The following OGFRL1 variants were observed in gnomAD, a reference collection of about 807,000 sequenced individuals.
The protein encoded by OGFRL1 is opioid growth factor receptor like 1, also known as opioid growth factor receptor-like protein 1.
OGFRL1 carries 26 observed loss-of-function variants against 32.4 expected under a neutral mutation model. That is an observed-to-expected ratio of 0.80 (90% confidence interval 0.59 to 1.11). The LOEUF (loss-of-function observed/expected upper bound fraction) is 1.11. Ranked by LOEUF, OGFRL1 falls within the 50% of genes most tolerant of loss-of-function variation. OGFRL1 has a pLI of 0.00. For missense variants in OGFRL1, 521 were observed against 546.4 expected, an observed-to-expected ratio of 0.95 and a Z score of 0.46; for synonymous variants, 211 against 201.2, an observed-to-expected ratio of 1.05 and a Z score of -0.41.
intron 1 of OGFRL1, among the ~76,000 whole-genome samples, 182 bp from the exon 2 acceptor site, chr6:71,293,111 A>T (rs1766097429): frequency 6.6e-6 from 1 of 152,226 alleles, no homozygotes; most frequent in Non-Finnish European, 1.5e-5. Flanking sequence ...TAAGAAAAAT[A>T]GGATGCTAAG....
chr6:71,296,259 T>C, intron 3 of OGFRL1, 58 bp from the exon 4 acceptor site: 3 of 1,177,746 alleles, frequency 2.5e-6, no homozygotes, highest in African/African-American at 3.1e-5. Context: ...ATTCGAATCT[T>C]AAAATGCCTT....
intron 6 of OGFRL1, among the ~76,000 whole-genome samples, chr6:71,297,699 G>T (rs1323365471): frequency 6.6e-6 from 1 of 151,860 alleles, no homozygotes; most frequent in Non-Finnish European, 1.5e-5. Flanking sequence ...ATTTTCCTTT[G>T]GCCACAGCAG....
chr6:71,291,752 A>T (rs1766057999), intron 1 of OGFRL1: 1 of 152,236 alleles, frequency 6.6e-6, no homozygotes, highest in African/African-American at 2.4e-5. Flanking sequence ...ATTCAGCTAA[A>T]TGATTTGCTT....
chr6:71,294,497 G>A (rs1340303829), intron 3 of OGFRL1, among the ~76,000 whole-genome samples: 1 of 152,200 alleles, frequency 6.6e-6, no homozygotes, highest in Non-Finnish European at 1.5e-5. Flanking sequence ...GCATTCTTTG[G>A]TGAACTAACT....
chr6:71,288,972 G>A lies in OGFRL1; in HGVS notation c.36G>A (p.Glu12=). The A allele has an allele frequency of 7.2e-7, 1 of 1,392,646 alleles. No homozygotes were observed. Among genetic ancestry groups the A allele is most frequent in the South Asian group, 1.3e-5 (1 of 78,640 alleles). The allele number at this position is 1,392,646 out of a possible 1,614,324, so 86.3% of individuals were successfully genotyped here. A position where few individuals can be genotyped will look rare whatever the true frequency, so the allele number is the denominator to read the frequency against. The change falls in exon 1 of 7, where the codon GAG becomes GAA. Residue 12 remains glutamate, a synonymous_variant. Transcript: ENST00000370435. ...TGCTCGGCGGGGTCAGCTTCCGCGAGCCCACCACCGTGGAGGACTGCGACT... is the reference window on the plus strand; with the variant it reads ...TGCTCGGCGGGGTCAGCTTCCGCGAACCCACCACCGTGGAGGACTGCGACT... The part of the protein sequence containing the change: ...GNLLGGVSFR[E]PTTVEDCDST...
chr6:71,293,559 T>TCAA lies in OGFRL1; in HGVS notation c.348_349insCAA (p.Asn116_Asp117insGln). The TCAA allele has an allele frequency of 1.2e-6, 2 of 1,613,186 alleles. No homozygotes were observed. Among genetic ancestry groups the TCAA allele is most frequent in the Non-Finnish European group, 1.7e-6 (2 of 1,179,408 alleles). On this transcript the variant is annotated inframe_insertion, in exon 3 of 7. Transcript: ENST00000370435. The stretch of plus-strand genomic sequence containing the variant: ...ACTTCAAAGATATCCGATATCAAAA[T>TCAA]GACTTGAGCAATCTTCGTTTTTATA...
Position 71,302,810 on chromosome 6 carries a change from A to C in OGFRL1, c.*761A>C, listed in dbSNP as rs959315985. 2 of 152,038 alleles carry C rather than the reference A, an allele frequency of 1.3e-5. No homozygotes were observed. Among genetic ancestry groups the C allele is most frequent in the African/African-American group, 4.8e-5 (2 of 41,374 alleles). The allele number at this position is 152,038 out of a possible 1,614,324, so 9.4% of individuals were successfully genotyped here. ...TAACTGTAAGAGTTTGATCTTTTCA[A>C]ATGTGTTCAGAAACTAATTTGGATT... On this transcript the variant is annotated 3_prime_UTR_variant, in exon 7 of 7. Transcript: ENST00000370435.
In OGFRL1 at chr6:71,308,944, G is replaced by GA. The variant is rs1766635658; in HGVS notation, c.*6901dup. The GA allele has an allele frequency of 6.6e-6, 1 of 151,978 alleles. No homozygotes were observed. The highest frequency in any genetic ancestry group is 2.1e-4 in the South Asian group (1 of 4,824). The allele number at this position is 151,978 out of a possible 1,614,324, so 9.4% of individuals were successfully genotyped here. Reference sequence around the variant, plus strand: ...CGATTAAAATATTTTTAAAGAACTAGAAAAAATGACTTGCTGTTTTCCTGT... The same window carrying GA: ...CGATTAAAATATTTTTAAAGAACTAGAAAAAAATGACTTGCTGTTTTCCTGT... On this transcript the variant is annotated 3_prime_UTR_variant, in exon 7 of 7. Transcript: ENST00000370435.
Position 71,306,732 on chromosome 6 carries a change from ACTGT to A in OGFRL1, c.*4688_*4691del, listed in dbSNP as rs1766562374. ...GTTTAGAGTAAGAAAGACTAACTAT[ACTGT>A]CTGTTATATTTATTTATGCTTTTTG... On this transcript the variant is annotated 3_prime_UTR_variant, in exon 7 of 7. Transcript: ENST00000370435. 1 of 152,178 alleles carries A rather than the reference ACTGT, an allele frequency of 6.6e-6. No individual in the cohort carries two copies. Among genetic ancestry groups the A allele is most frequent in the South Asian group, 2.1e-4 (1 of 4,830 alleles). 9.4% of individuals were successfully genotyped at this position (152,178 alleles called of 1,614,324 possible).
chr6:71,294,648 G>A (rs191595974), intron 3 of OGFRL1, among the ~76,000 whole-genome samples: 4 of 152,300 alleles, frequency 2.6e-5, no homozygotes, highest in Admixed American at 6.5e-5. Context: ...ACTTTCTGGT[G>A]TCCTGAAAGT....
chr6:71,292,544 A>T (rs1185555728), intron 1 of OGFRL1, among the ~76,000 whole-genome samples: 1 of 152,224 alleles, frequency 6.6e-6, no homozygotes, highest in Non-Finnish European at 1.5e-5. Flanking sequence ...CCCACATCTT[A>T]TACTTTAAAA....
chr6:71,291,851 A>T (rs1046738542), intron 1 of OGFRL1: 4 of 152,160 alleles, frequency 2.6e-5, no homozygotes, highest in Non-Finnish European at 5.9e-5. Context: ...CAAGGTTTCC[A>T]TATATCCTTC....
At chr6:71,296,252 C>T (rs1382356429) in intron 3 of OGFRL1, 65 bp from the exon 4 acceptor site, 16 of 1,094,684 alleles carry the variant, frequency 1.5e-5, no homozygotes, top group South Asian at 5.6e-5. Flanking sequence ...TCAAGTGATT[C>T]GAATCTTAAA....
rs1350537021 is a variant in OGFRL1 at position 71,305,666 on chromosome 6, C to T, written c.*3617C>T. The T allele has an allele frequency of 4.6e-5, 7 of 152,068 alleles. No individual in the cohort carries two copies. Among genetic ancestry groups the T allele is most frequent in the African/African-American group, 1.7e-4 (7 of 41,512 alleles). 9.4% of individuals were successfully genotyped at this position (152,068 alleles called of 1,614,324 possible). ...ATAATGCCTGTCATAGTCATTGTTTCATATTTTGTCATATAAAATCACCTA... is the reference window on the plus strand; with the variant it reads ...ATAATGCCTGTCATAGTCATTGTTTTATATTTTGTCATATAAAATCACCTA... On this transcript the variant is annotated 3_prime_UTR_variant, in exon 7 of 7. Coordinates refer to ENST00000370435, the MANE Select transcript of OGFRL1 (RefSeq NM_024576.5).
In OGFRL1 at chr6:71,308,491, TA is replaced by T. The variant is rs1171228558; in HGVS notation, c.*6443del. On this transcript the variant is annotated 3_prime_UTR_variant, in exon 7 of 7. Coordinates refer to ENST00000370435, the MANE Select transcript of OGFRL1 (RefSeq NM_024576.5). ...ATTTCAGGAAAATGCCTACGATTGT[TA>T]CAAAGATGTGTGTTTTACTTATAAC... The T allele has an allele frequency of 6.6e-6, 1 of 152,222 alleles. No homozygotes were observed. The allele number at this position is 152,222 out of a possible 1,614,324, so 9.4% of individuals were successfully genotyped here.
chr6:71,288,839 G>T lies in OGFRL1; in HGVS notation c.-98G>T, dbSNP rs1308675681. The T allele has an allele frequency of 2.2e-6, 2 of 912,112 alleles. No homozygotes were observed. The highest frequency in any genetic ancestry group is 3.6e-5 in the African/African-American group (2 of 55,348). The allele number at this position is 912,112 out of a possible 1,614,324, so 56.5% of individuals were successfully genotyped here. On this transcript the variant is annotated 5_prime_UTR_variant, in exon 1 of 7. Transcript: ENST00000370435. ...GCGGGGCGGGCGCGCCTAGGCTGCC[G>T]CCCAGCGCCCTCGCCGCGGCCATGC...
At chr6:71,289,490 G>A in intron 1 of OGFRL1, 1 of 982,262 alleles carries the variant, frequency 1.0e-6, no homozygotes, top group African/African-American at 1.8e-5. Flanking sequence ...AAGGTGGGGT[G>A]GGAGGAACCT....
In OGFRL1 at chr6:71,308,315, T is replaced by C. The variant is rs1339238301; in HGVS notation, c.*6266T>C. ...TTGTGAGAAACAAATGAGAGCAAAATGTTAGGTCCTTTGACAAGCATTTTC... is the reference window on the plus strand; with the variant it reads ...TTGTGAGAAACAAATGAGAGCAAAACGTTAGGTCCTTTGACAAGCATTTTC... On this transcript the variant is annotated 3_prime_UTR_variant, in exon 7 of 7. Coordinates refer to ENST00000370435, the MANE Select transcript of OGFRL1 (RefSeq NM_024576.5). 1 of 152,200 alleles carries C rather than the reference T, an allele frequency of 6.6e-6. No homozygotes were observed. Among genetic ancestry groups the C allele is most frequent in the Non-Finnish European group, 1.5e-5 (1 of 68,024 alleles). The allele number at this position is 152,200 out of a possible 1,614,324, so 9.4% of individuals were successfully genotyped here. A position where few individuals can be genotyped will look rare whatever the true frequency, so the allele number is the denominator to read the frequency against.
chr6:71,295,873 C>T (rs1766189597), intron 3 of OGFRL1: 1 of 153,082 alleles, frequency 6.5e-6, no homozygotes, highest in Non-Finnish European at 1.5e-5. Context: ...ACTCCTAGGA[C>T]TGGGATTGGC....
Sources: gnomAD v4.1 joint callset for allele counts (sites outside exome capture counted in the v4.1 genomes callset) on GRCh38, gnomAD v4.1.1 for gene constraint, MANE v1.5 for transcripts, NCBI Gene and HGNC (gene_info 2026-07-23, HGNC 2026-07-21) for gene names.